Variants in DSCAM observed in about 807,000 individuals in gnomAD.
The protein encoded by DSCAM is cell adhesion molecule DSCAM.
Under a neutral mutation model 217.7 loss-of-function variants are expected in DSCAM, and 47 were observed. The ratio of observed to expected loss-of-function variants is 0.22; its 90% CI spans 0.17 to 0.28. The LOEUF is 0.28. Among genes scored for constraint, DSCAM ranks in the 10% least tolerant of loss-of-function variants. The pLI is 1.00. For missense variants in DSCAM, 2,080 were observed against 2,618.3 expected (o/e 0.79, Z 4.49); for synonymous variants, 1,056 against 1,015.3 (o/e 1.04, Z -0.76).
intron 11 of DSCAM, among the ~76,000 whole-genome samples, chr21:40,244,997 A>AG (rs2073203755): frequency 1.4e-5 from 2 of 139,752 alleles, no homozygotes; most frequent in South Asian, 5.3e-4. Flanking sequence ...AAGAAAATCG[A>AG]GGGAGGGAGG....
At chr21:40,380,768 G>A (rs554125283) in intron 3 of DSCAM, among the ~76,000 whole-genome samples, 2 of 152,292 alleles carry the variant, frequency 1.3e-5, no homozygotes, top group East Asian at 3.9e-4. Flanking sequence ...GATATGGTTT[G>A]AAAATAGAAC....
At chr21:40,586,407 G>A (rs1026073217) in intron 3 of DSCAM, among the ~76,000 whole-genome samples, 4 of 152,212 alleles carry the variant, frequency 2.6e-5, no homozygotes, top group Non-Finnish European at 5.9e-5. Context: ...CTGTGTCCCA[G>A]AGACAGAGTT....
intron 8 of DSCAM, among the ~76,000 whole-genome samples, chr21:40,314,275 G>A (rs762741052): frequency 3.9e-5 from 6 of 152,214 alleles, no homozygotes; most frequent in Non-Finnish European, 5.9e-5. Context: ...GCCAGAGGTC[G>A]AAGAAGTAGG....
chr21:40,528,284 G>A (rs899289721), intron 3 of DSCAM, among the ~76,000 whole-genome samples: 5 of 152,090 alleles, frequency 3.3e-5, no homozygotes, highest in African/African-American at 4.8e-5. Context: ...GACACAAAGC[G>A]AGATTCATCA....
At chr21:40,504,777 C>A (rs1005404942) in intron 3 of DSCAM, among the ~76,000 whole-genome samples, 3 of 152,142 alleles carry the variant, frequency 2.0e-5, no homozygotes, top group Non-Finnish European at 4.4e-5. Flanking sequence ...ACTGCAAGTG[C>A]ATTTTATTTA....
At chr21:40,330,023 C>T (rs1374852536) in intron 8 of DSCAM, among the ~76,000 whole-genome samples, 1 of 151,858 alleles carries the variant, frequency 6.6e-6, no homozygotes, top group Non-Finnish European at 1.5e-5. Context: ...GTAAAGTGTT[C>T]TTACCACAAA....
At chr21:40,388,439 A>G (rs1315443944) in intron 3 of DSCAM, among the ~76,000 whole-genome samples, 3 of 152,190 alleles carry the variant, frequency 2.0e-5, no homozygotes, top group Non-Finnish European at 4.4e-5. Flanking sequence ...AGCGTGCTGT[A>G]TTTGTGGGTG....
intron 2 of DSCAM, among the ~76,000 whole-genome samples, chr21:40,698,792 C>T (rs1248629552): frequency 1.3e-5 from 2 of 150,930 alleles, no homozygotes; most frequent in Non-Finnish European, 2.9e-5. Context: ...ATCACTTGAA[C>T]CCGGGAGGCA....
chr21:40,352,457 C>G (rs1256776201), intron 5 of DSCAM, among the ~76,000 whole-genome samples: 1 of 152,068 alleles, frequency 6.6e-6, no homozygotes, highest in Non-Finnish European at 1.5e-5. Flanking sequence ...CAGCCTGTTC[C>G]AGATAGAGAG....
At chr21:40,740,201 T>C (rs1755910967) in intron 1 of DSCAM, among the ~76,000 whole-genome samples, 2 of 152,054 alleles carry the variant, frequency 1.3e-5, no homozygotes, top group Non-Finnish European at 2.9e-5. Context: ...AATACAGAAG[T>C]CTTCTTCGAG....
At chr21:40,081,828 C>T (rs1568931045) in intron 24 of DSCAM, among the ~76,000 whole-genome samples, 2 of 152,142 alleles carry the variant, frequency 1.3e-5, no homozygotes, top group Admixed American at 6.6e-5. Flanking sequence ...TTCAGGAATG[C>T]TGGGTTACCT....
At chr21:40,508,730 G>A (rs369537556) in intron 3 of DSCAM, among the ~76,000 whole-genome samples, 72 of 97,442 alleles carry the variant, frequency 7.4e-4, no homozygotes, top group African/African-American at 2.4e-3. Context: ...CACCACACCC[G>A]GCAAATATAT....
At chr21:40,620,849 A>C (rs2089504836) in intron 3 of DSCAM, among the ~76,000 whole-genome samples, 1 of 152,356 alleles carries the variant, frequency 6.6e-6, no homozygotes, top group Middle Eastern at 3.4e-3. Flanking sequence ...ACAACCCAAC[A>C]ACCTCCCTTT....
At chr21:40,302,332 C>A (rs918255154) in intron 9 of DSCAM, among the ~76,000 whole-genome samples, 6 of 152,078 alleles carry the variant, frequency 3.9e-5, no homozygotes, top group Non-Finnish European at 8.8e-5. Context: ...GTGAATGAGT[C>A]TCATGAGATC....
At chr21:40,324,098 T>C in intron 8 of DSCAM, among the ~76,000 whole-genome samples, 2 of 57,992 alleles carry the variant, frequency 3.4e-5, no homozygotes, top group Non-Finnish European at 3.1e-5. Flanking sequence ...AGTGAAACTC[T>C]GTCTCAAAAA....
At chr21:40,163,556 G>A (rs1047229396) in intron 16 of DSCAM, among the ~76,000 whole-genome samples, 2 of 151,884 alleles carry the variant, frequency 1.3e-5, no homozygotes, top group Non-Finnish European at 2.9e-5. Context: ...CCCTTTCTGA[G>A]ACTTCATCTT....
chr21:40,377,032 T>C (rs2074970615), intron 3 of DSCAM, among the ~76,000 whole-genome samples: 1 of 152,110 alleles, frequency 6.6e-6, no homozygotes, highest in Admixed American at 6.6e-5. Context: ...CCTAATCCAA[T>C]GTGACCGGTG....
intron 1 of DSCAM, among the ~76,000 whole-genome samples, chr21:40,710,279 T>C (rs1352136419): frequency 6.6e-6 from 1 of 151,660 alleles, no homozygotes; most frequent in African/African-American, 2.4e-5. Flanking sequence ...TACACTTTTA[T>C]TTAAAATAGG....
chr21:40,144,771 G>A lies in DSCAM; in HGVS notation c.3019-40C>T, dbSNP rs1172065020. 1.2e-6 allele frequency: 2 copies of A among 1,610,876 alleles called. No homozygotes were observed. Among genetic ancestry groups the A allele is most frequent in the African/African-American group, 2.7e-5 (2 of 74,828 alleles). On this transcript the variant is annotated intron_variant, in intron 16 of 32. Coordinates refer to ENST00000400454, the MANE Select transcript of DSCAM (RefSeq NM_001389.5). This position sits in a 1 kb window ranked among gnomAD's most constrained non-coding sequence, Gnocchi z 4.8. ...AAAGAACACACTAAAGAAGTCTTGA[G>A]GTAGGACAAGAGCGAAATCAACGCC...
Sources: allele counts gnomAD v4.1 joint callset (sites outside exome capture counted in the v4.1 genomes callset), GRCh38; gene constraint gnomAD v4.1.1; non-coding constraint Gnocchi (gnomAD v3.1); transcripts MANE v1.5; gene names NCBI Gene and HGNC (gene_info 2026-07-23, HGNC 2026-07-21).